Variants in EPB41L4A observed in about 807,000 individuals in gnomAD.
The protein encoded by EPB41L4A is erythrocyte membrane protein band 4.1 like 4A.
Under a neutral mutation model 108.6 loss-of-function variants are expected in EPB41L4A, and 100 were observed. That is an observed-to-expected ratio of 0.92 (90% confidence interval 0.78 to 1.09). The LOEUF (loss-of-function observed/expected upper bound fraction) is 1.09. Ranked by LOEUF, EPB41L4A falls within the 50% of genes least tolerant of loss-of-function variation. EPB41L4A has a pLI of 0.00. For missense variants in EPB41L4A, 1,030 were observed against 842.7 expected (o/e 1.22, Z -2.75); for synonymous variants, 319 against 289.0 (o/e 1.10, Z -1.05).
Position 112,164,853 on chromosome 5 carries a change from C to G in EPB41L4A, c.*137G>C. ...TCTCAAAAAAAAAAAAAAAAAGAAG[C>G]AAAAGATAATGTATTTTCTCATGCT... On this transcript the variant is annotated 3_prime_UTR_variant, in exon 23 of 23. Transcript: ENST00000261486. 1 of 890,198 alleles carries G rather than the reference C, an allele frequency of 1.1e-6. No homozygotes were observed. Among genetic ancestry groups the G allele is most frequent in the Non-Finnish European group, 1.6e-6 (1 of 639,170 alleles). The allele number at this position is 890,198 out of a possible 1,614,324, so 55.1% of individuals were successfully genotyped here. A position where few individuals can be genotyped will look rare whatever the true frequency, so the allele number is the denominator to read the frequency against.
At chr5:112,390,240 G>A (rs2112664612) in intron 1 of EPB41L4A, among the ~76,000 whole-genome samples, 1 of 152,272 alleles carries the variant, frequency 6.6e-6, no homozygotes, top group South Asian at 2.1e-4. Context: ...AGCAGGGCGG[G>A]GCATCGCCTC....
intron 1 of EPB41L4A, among the ~76,000 whole-genome samples, chr5:112,348,971 T>TCTGGGAAATAA (rs1376641081): frequency 6.6e-6 from 1 of 152,102 alleles, no homozygotes; most frequent in Non-Finnish European, 1.5e-5. Flanking sequence ...TACAGAGAAT[T>TCTGGGAAATAA]CTGGGAAATA....
chr5:112,351,439 G>C (rs1758036632), intron 1 of EPB41L4A, among the ~76,000 whole-genome samples: 1 of 152,130 alleles, frequency 6.6e-6, no homozygotes, highest in Non-Finnish European at 1.5e-5. Flanking sequence ...AACTTGAACA[G>C]ACTAATAACA....
intron 1 of EPB41L4A, among the ~76,000 whole-genome samples, chr5:112,325,313 C>T (rs932703637): frequency 1.3e-5 from 2 of 152,064 alleles, no homozygotes; most frequent in Admixed American, 6.5e-5. Context: ...TAGTGGCACA[C>T]GCCTGTAGTC....
At chr5:112,157,525 C>G (rs915131185) in intron 12 of EPB41L4A, among the ~76,000 whole-genome samples, 1 of 152,196 alleles carries the variant, frequency 6.6e-6, no homozygotes, top group Non-Finnish European at 1.5e-5. Flanking sequence ...ATCCCTGCTC[C>G]TTTGCTGTCA....
intron 1 of EPB41L4A, among the ~76,000 whole-genome samples, chr5:112,415,709 A>G (rs534629805): frequency 6.6e-6 from 1 of 152,292 alleles, no homozygotes; most frequent in East Asian, 1.9e-4. Context: ...ACTGAGACCA[A>G]CCATACCAAA....
chr5:112,399,691 C>G (rs963645762), intron 1 of EPB41L4A, among the ~76,000 whole-genome samples: 2 of 152,188 alleles, frequency 1.3e-5, no homozygotes, highest in Non-Finnish European at 2.9e-5. Flanking sequence ...CACCAGGGTT[C>G]TTCTCTGCTT....
At position 112,254,350 on chromosome 5, in the gene EPB41L4A, G is replaced by A. The variant is rs1044966828; in HGVS notation, c.795+4879C>T. 5.9e-5 allele frequency among the ~76,000 whole-genome samples: 9 copies of A among 152,170 alleles called. No individual in the cohort carries two copies. In the South Asian group the frequency reaches 1.2e-3, roughly 21 times the overall value. On this transcript the variant is annotated intron_variant, in intron 9 of 22. Transcript: ENST00000261486. ...TTCCCAAATCTGCCGACTTCTTTCC[G>A]TCTTTGCAGTGAGTCCCCTCTTGTC...
At chr5:112,147,866 T>C (rs1223494788) in intron 12 of EPB41L4A, among the ~76,000 whole-genome samples, 1 of 151,378 alleles carries the variant, frequency 6.6e-6, no homozygotes, top group Non-Finnish European at 1.5e-5. Context: ...TGGTGAAACC[T>C]TGTCTCTACT....
intron 12 of EPB41L4A, among the ~76,000 whole-genome samples, chr5:112,224,642 C>A (rs563863909): frequency 2.0e-5 from 3 of 152,138 alleles, no homozygotes; most frequent in Non-Finnish European, 2.9e-5. Context: ...ACAACTTTCA[C>A]ACTCTTTTTT....
chr5:112,253,687 G>A (rs565003558), intron 9 of EPB41L4A, among the ~76,000 whole-genome samples: 2 of 152,258 alleles, frequency 1.3e-5, no homozygotes, highest in South Asian at 4.1e-4. Context: ...CTGTTCTAAA[G>A]AGAAAGGCCT....
At chr5:112,269,240 A>G (rs1752088927) in intron 4 of EPB41L4A, among the ~76,000 whole-genome samples, 1 of 152,182 alleles carries the variant, frequency 6.6e-6, no homozygotes, top group African/African-American at 2.4e-5. Context: ...TTTTAAAGAT[A>G]TCACAGATCT....
At chr5:112,232,128 A>AG (rs1554081817) in intron 12 of EPB41L4A, among the ~76,000 whole-genome samples, 9 of 145,322 alleles carry the variant, frequency 6.2e-5, no homozygotes, top group Admixed American at 4.1e-4. Context: ...AAAAAAAAAA[A>AG]AGAGAGAGAG....
At chr5:112,260,019 T>C (rs1751389006) in intron 7 of EPB41L4A, 40 bp from the exon 8 acceptor site, 2 of 1,360,308 alleles carry the variant, frequency 1.5e-6, no homozygotes, top group Non-Finnish European at 2.1e-6. Context: ...CATATTCACA[T>C]AAAATCTCTT....
intron 18 of EPB41L4A, among the ~76,000 whole-genome samples, chr5:112,181,560 T>G (rs1341359116): frequency 6.6e-6 from 1 of 152,156 alleles, no homozygotes; most frequent in African/African-American, 2.4e-5. Flanking sequence ...TTGTAGAGAA[T>G]GTCTATAACG....
At chr5:112,227,640 A>G (rs1748564606) in intron 12 of EPB41L4A, among the ~76,000 whole-genome samples, 1 of 152,214 alleles carries the variant, frequency 6.6e-6, no homozygotes, top group Non-Finnish European at 1.5e-5. Context: ...CTCTATTCAG[A>G]TAACTCACCT....
chr5:112,247,669 A>G (rs915041726), intron 9 of EPB41L4A, among the ~76,000 whole-genome samples: 1 of 152,232 alleles, frequency 6.6e-6, no homozygotes, highest in Non-Finnish European at 1.5e-5. Flanking sequence ...CTGATATAAT[A>G]CAGGTCCTGA....
chr5:112,364,386 G>A (rs1170599488), intron 1 of EPB41L4A, among the ~76,000 whole-genome samples: 3 of 152,172 alleles, frequency 2.0e-5, no homozygotes, highest in Non-Finnish European at 4.4e-5. Context: ...TCACATTAGA[G>A]TTACAATATT....
intron 1 of EPB41L4A, among the ~76,000 whole-genome samples, chr5:112,398,043 C>T (rs1376953831): frequency 6.6e-6 from 1 of 152,138 alleles, no homozygotes; most frequent in Admixed American, 6.5e-5. Context: ...AGCCACTAAG[C>T]TAAGAAATGC....
Sources: gnomAD v4.1 joint callset for allele counts (sites outside exome capture counted in the v4.1 genomes callset) on GRCh38, gnomAD v4.1.1 for gene constraint, MANE v1.5 for transcripts, NCBI Gene and HGNC (gene_info 2026-07-23, HGNC 2026-07-21) for gene names.